Variants in SLC5A10 observed in about 807,000 individuals in gnomAD.
The protein encoded by SLC5A10 is sodium/mannose cotransporter SLC5A10.
A neutral mutation model predicts 68.9 loss-of-function variants in SLC5A10; 55 were observed. The ratio of observed to expected loss-of-function variants is 0.80; its 90% CI spans 0.64 to 1.00. The LOEUF (loss-of-function observed/expected upper bound fraction) is 1.00, where lower values mean the gene tolerates loss of function less well. SLC5A10 is among the 50% of genes least tolerant of loss of function. The pLI is 0.00. For synonymous variants in SLC5A10, 344 were observed against 344.8 expected (o/e 1.00, Z 0.02); for missense variants, 732 against 819.3 (o/e 0.89, Z 1.30).
rs181409535 is a variant in SLC5A10, at chr17:18,969,281, T to C, written c.560-61T>C. On this transcript the variant is annotated intron_variant, in intron 6 of 14. Transcript: ENST00000395645. ...CCCCAGCAGGAGCCCCAGAAGTTCC[T>C]CCCCGTGTCCCTCCTCCCTGGGGCC... 4.8e-4 allele frequency: 756 copies of C among 1,588,728 alleles called. 3 individuals are homozygous for C. In the East Asian group the frequency reaches 0.016, roughly 33 times the overall value.
intron 1 of SLC5A10, 108 bp from the exon 2 acceptor site, chr17:18,958,566 GGGTCATAT>G: frequency 1.3e-6 from 1 of 758,586 alleles, no homozygotes; most frequent in South Asian, 1.7e-5. Flanking sequence ...TGGAACTTCT[GGGTCATAT>G]GGTGATTCTA....
rs1272965862 is a variant in SLC5A10, at chr17:19,000,160, C to T, written c.983-13250C>T. Among the ~76,000 whole-genome samples, 2 of 152,196 alleles carry T rather than the reference C, an allele frequency of 1.3e-5. No individual in the cohort carries two copies. Among genetic ancestry groups the T allele is most frequent in the South Asian group, 2.1e-4 (1 of 4,836 alleles). On this transcript the variant is annotated intron_variant, in intron 9 of 14. Coordinates refer to ENST00000395645, the MANE Select transcript of SLC5A10 (RefSeq NM_001042450.4). This position sits in a 1 kb window ranked among gnomAD's most constrained non-coding sequence, Gnocchi z 5.2. ...GTTTTTTCCCAGATAAATCATGGCT[C>T]CTGGGGCTAGGGGAGGGGCAGGCAG...
Position 19,020,360 on chromosome 17 carries a change from G to T in SLC5A10, c.1720G>T (p.Ala574Ser), listed in dbSNP as rs1174095744. 6.2e-7 allele frequency: 1 copy of T among 1,614,102 alleles called. No individual in the cohort carries two copies. Among genetic ancestry groups the T allele is most frequent in the Non-Finnish European group, 8.5e-7 (1 of 1,180,030 alleles). ...AACACCCCAGAAACACGCCTTCTGG[G>T]CCCGTGTCTGTGGCTTCAATGCCAT... ...GQTPQKHAFW[A>S]RVCGFNAILL... The change falls in exon 15 of 15, where the codon GCC becomes TCC. Residue 574 changes from alanine to serine, a missense_variant. Transcript: ENST00000395645.
chr17:19,017,373 G>A lies in SLC5A10; in HGVS notation c.1242-2050G>A. 5 of 1,551,798 alleles carry A rather than the reference G, an allele frequency of 3.2e-6. No individual in the cohort carries two copies. Among genetic ancestry groups the A allele is most frequent in the Non-Finnish European group, 4.4e-6 (5 of 1,146,996 alleles). On this transcript the variant is annotated intron_variant, in intron 11 of 14. Transcript: ENST00000395645. This position sits in a 1 kb window ranked among gnomAD's most constrained non-coding sequence, Gnocchi z 5.6. Reference sequence around the variant, plus strand: ...CCACCATTGGAGCGGTATCTCCTAGGCCTCGTGGTCATGGATCTCTGGTAG... The same window carrying A: ...CCACCATTGGAGCGGTATCTCCTAGACCTCGTGGTCATGGATCTCTGGTAG...
rs376950895 is a variant in SLC5A10 at position 18,971,258 on chromosome 17, G to A, written c.846+40G>A. ...CTCCCGCCCATCCCACCTTCCTGCC[G>A]TCCCAGTGGGCTCTGGTAGGCCCAG... is the stretch of plus-strand genomic sequence containing the variant. On this transcript the variant is annotated intron_variant, in intron 8 of 14. Coordinates refer to ENST00000395645, the MANE Select transcript of SLC5A10 (RefSeq NM_001042450.4). This position sits in a 1 kb window ranked among gnomAD's most constrained non-coding sequence, Gnocchi z 5.5. The A allele has an allele frequency of 6.8e-5, 109 of 1,612,010 alleles. No individual in the cohort carries two copies. Among genetic ancestry groups the A allele is most frequent in the Middle Eastern group, 5.0e-4 (3 of 6,058 alleles).
chr17:18,995,541 G>A (rs1339625274), intron 9 of SLC5A10, among the ~76,000 whole-genome samples: 2 of 152,068 alleles, frequency 1.3e-5, no homozygotes, highest in African/African-American at 2.4e-5. Flanking sequence ...GGAAGGGTTG[G>A]GAGTGAGCGA....
At chr17:19,012,355 C>T (rs1024006248) in intron 9 of SLC5A10, among the ~76,000 whole-genome samples, 2 of 152,206 alleles carry the variant, frequency 1.3e-5, no homozygotes, top group African/African-American at 2.4e-5. Flanking sequence ...AGGGTTCAGT[C>T]GGGATCTGGC....
intron 9 of SLC5A10, among the ~76,000 whole-genome samples, chr17:19,010,122 C>T (rs902678892): frequency 2.6e-5 from 4 of 152,024 alleles, no homozygotes; most frequent in Non-Finnish European, 4.4e-5. Context: ...TGGAGAGGCA[C>T]GGAGCGGGTT....
chr17:18,950,801 T>C, upstream of SLC5A10: 1 of 548,824 alleles, frequency 1.8e-6, no homozygotes, highest in Non-Finnish European at 2.3e-6. Flanking sequence ...CTGCAATCTC[T>C]ACCTCCTGAG....
chr17:18,984,379 T>C (rs937166071), intron 9 of SLC5A10, among the ~76,000 whole-genome samples: 8 of 142,912 alleles, frequency 5.6e-5, no homozygotes, highest in African/African-American at 2.1e-4. Context: ...ATACCCTGAA[T>C]CCACCACAGA....
At chr17:18,969,553 C>A in intron 7 of SLC5A10, 131 bp downstream of exon 7, 1 of 839,466 alleles carries the variant, frequency 1.2e-6, no homozygotes, top group Non-Finnish European at 1.8e-6. Context: ...TGGGTGGGTT[C>A]AGGAGGTTGA....
At chr17:18,966,024 A>C (rs1194850514) in intron 5 of SLC5A10, among the ~76,000 whole-genome samples, 1 of 152,214 alleles carries the variant, frequency 6.6e-6, no homozygotes, top group Non-Finnish European at 1.5e-5. Context: ...GCCGTGTGGC[A>C]CACACGCACA....
At chr17:18,953,240 A>G (rs1395739745) in intron 1 of SLC5A10, among the ~76,000 whole-genome samples, 2 of 150,784 alleles carry the variant, frequency 1.3e-5, no homozygotes, top group African/African-American at 4.9e-5. Flanking sequence ...GGTTCAAACA[A>G]TTCTGCCTCA....
At chr17:19,006,138 A>C (rs2043883527) in intron 9 of SLC5A10, among the ~76,000 whole-genome samples, 1 of 152,226 alleles carries the variant, frequency 6.6e-6, no homozygotes, top group South Asian at 2.1e-4. Context: ...AGTTTTCCCC[A>C]GTAGCGACGT....
At chr17:19,014,960 C>A (rs1247197881) in intron 10 of SLC5A10, 89 bp from the exon 11 acceptor site, 1 of 1,479,538 alleles carries the variant, frequency 6.8e-7, no homozygotes, top group Non-Finnish European at 9.2e-7. Context: ...AAATGGCGGG[C>A]GGGCCTCAGG....
At chr17:18,972,118 T>C (rs1044329092) in intron 8 of SLC5A10, among the ~76,000 whole-genome samples, 1 of 152,196 alleles carries the variant, frequency 6.6e-6, no homozygotes, top group African/African-American at 2.4e-5. Context: ...CTCAAGACCC[T>C]GTCACCAGCC....
At chr17:19,019,340 G>C in intron 11 of SLC5A10, 83 bp from the exon 12 acceptor site, 1 of 1,499,998 alleles carries the variant, frequency 6.7e-7, no homozygotes, top group Non-Finnish European at 8.9e-7. Context: ...AGATTAGAGA[G>C]CAAGTCTTAG....
At chr17:18,952,085 C>G, upstream of SLC5A10, 1 of 1,455,586 alleles carries the variant, frequency 6.9e-7, no homozygotes, top group Non-Finnish European at 9.1e-7. Flanking sequence ...ACATCATGGG[C>G]TGGAGATGCC....
intron 9 of SLC5A10, among the ~76,000 whole-genome samples, chr17:18,989,958 C>T (rs902196009): frequency 2.0e-5 from 3 of 152,308 alleles, no homozygotes; most frequent in African/African-American, 4.8e-5. Flanking sequence ...CCCCCCAGAG[C>T]GGACAGCGGA....
Sources: allele counts gnomAD v4.1 joint callset (sites outside exome capture counted in the v4.1 genomes callset), GRCh38; gene constraint gnomAD v4.1.1; non-coding constraint Gnocchi (gnomAD v3.1); transcripts MANE v1.5; gene names NCBI Gene and HGNC (gene_info 2026-07-23, HGNC 2026-07-21).